The following CDC7 variants were observed in gnomAD, a reference collection of about 807,000 sequenced individuals.
CDC7 encodes the protein cell division cycle 7.
In CDC7, 34 loss-of-function variants were observed where a neutral mutation model predicts 53.5. That is an observed-to-expected ratio of 0.64 (90% CI 0.48 to 0.85). The LOEUF (loss-of-function observed/expected upper bound fraction) is 0.85. Ranked by LOEUF, CDC7 falls within the 40% of genes least tolerant of loss-of-function variation. The probability of loss-of-function intolerance (pLI) is 0.00; values close to 1 mark genes in which losing one functional copy is unlikely to be tolerated. For synonymous variants in CDC7, 211 were observed against 222.8 expected, an observed-to-expected ratio of 0.95 and a Z score of 0.47; for missense variants, 594 against 679.7, an observed-to-expected ratio of 0.87 and a Z score of 1.40.
In CDC7 at chr1:91,524,816, TTTAGAG is replaced by T. The variant is rs1464214865; in HGVS notation, c.*385_*390del. 6 of 162,846 alleles carry T rather than the reference TTTAGAG, an allele frequency of 3.7e-5. No homozygotes were observed. Among genetic ancestry groups the T allele is most frequent in the Admixed American group, 3.7e-4 (6 of 16,324 alleles). The allele number at this position is 162,846 out of a possible 1,614,324, so 10.1% of individuals were successfully genotyped here. ...TCAAAAGACTTAATTTGTAGATTCT[TTTAGAG>T]TTATGAGCTAGGTATAGTTTGGGGA... On this transcript the variant is annotated 3_prime_UTR_variant, in exon 12 of 12. Transcript: ENST00000234626.
chr1:91,508,109 TAAAG>T (rs931573021), intron 3 of CDC7, among the ~76,000 whole-genome samples, 149 bp from the exon 4 acceptor site: 34 of 152,292 alleles, frequency 2.2e-4, no homozygotes, highest in Non-Finnish European at 3.8e-4. Flanking sequence ...TTTTCAACCT[TAAAG>T]AAAGAATAAA....
chr1:91,519,123 G>A (rs1341499453), intron 10 of CDC7, among the ~76,000 whole-genome samples: 1 of 151,462 alleles, frequency 6.6e-6, no homozygotes, highest in Non-Finnish European at 1.5e-5. Flanking sequence ...GGGGATTATA[G>A]TCAGTAATTT....
At chr1:91,503,196 G>T (rs1191099384) in intron 2 of CDC7, among the ~76,000 whole-genome samples, 10 of 152,112 alleles carry the variant, frequency 6.6e-5, no homozygotes, top group African/African-American at 2.4e-4. Context: ...AGTAATGAAT[G>T]GGGTGAATTT....
In CDC7 at chr1:91,515,748, A is replaced by G. The variant is rs532508402; in HGVS notation, c.1098-46A>G. On this transcript the variant is annotated intron_variant, in intron 9 of 11. Transcript: ENST00000234626. Reference sequence around the variant, plus strand: ...GATGAATGTTATTTTTTAGACTTACATAGTTCAACTTTAACATAACTAGAG... The same window carrying G: ...GATGAATGTTATTTTTTAGACTTACGTAGTTCAACTTTAACATAACTAGAG... The G allele has an allele frequency of 4.0e-5, 65 of 1,607,594 alleles. No individual in the cohort carries two copies. In the South Asian group the frequency reaches 5.3e-4, roughly 13 times the overall value.
intron 9 of CDC7, 76 bp downstream of exon 9, chr1:91,515,073 T>C: frequency 7.7e-7 from 1 of 1,306,418 alleles, no homozygotes; most frequent in Non-Finnish European, 1.1e-6. Context: ...GTGGATAATT[T>C]TGTGAGTGCA....
chr1:91,501,510 A>T, intron 1 of CDC7, 144 bp from the exon 2 acceptor site: 1 of 516,966 alleles, frequency 1.9e-6, no homozygotes, highest in Non-Finnish European at 3.5e-6. Flanking sequence ...GGAATTCCTT[A>T]GACAAGGCCA....
At chr1:91,503,823 G>A (rs924648979) in intron 2 of CDC7, among the ~76,000 whole-genome samples, 2 of 151,908 alleles carry the variant, frequency 1.3e-5, no homozygotes, top group Non-Finnish European at 2.9e-5. Context: ...AAACTAAATT[G>A]GGATCTTGTT....
At chr1:91,508,014 C>A in intron 3 of CDC7, 77 bp downstream of exon 3, 1 of 1,219,004 alleles carries the variant, frequency 8.2e-7, no homozygotes, top group Non-Finnish European at 1.1e-6. Context: ...TCTTGGTTTT[C>A]ATTACTATTT....
intron 4 of CDC7, among the ~76,000 whole-genome samples, chr1:91,508,833 C>T (rs1368110940): frequency 6.6e-6 from 1 of 152,084 alleles, no homozygotes; most frequent in Non-Finnish European, 1.5e-5. Context: ...TAGAATCTTA[C>T]CCTCCTAAAC....
At chr1:91,516,853 TC>T (rs1261668854) in intron 10 of CDC7, among the ~76,000 whole-genome samples, 1 of 152,074 alleles carries the variant, frequency 6.6e-6, no homozygotes, top group Non-Finnish European at 1.5e-5. Flanking sequence ...TCACCTGAGA[TC>T]AGGAGTTTGA....
chr1:91,515,084 A>C, intron 9 of CDC7, 87 bp downstream of exon 9: 1 of 1,154,140 alleles, frequency 8.7e-7, no homozygotes, highest in East Asian at 2.4e-5. Flanking sequence ...TGTGAGTGCA[A>C]GGGATCAGTT....
intron 5 of CDC7, 31 bp from the exon 6 acceptor site, chr1:91,511,750 G>A (rs772989323): frequency 7.2e-7 from 1 of 1,385,336 alleles, no homozygotes; most frequent in East Asian, 3.4e-5. Flanking sequence ...AACAATATTT[G>A]TAACTCATTT....
Position 91,524,318 on chromosome 1 carries a change from T to G in CDC7, c.1608T>G (p.Asn536Lys). 6.2e-7 allele frequency: 1 copy of G among 1,614,038 alleles called. No individual in the cohort carries two copies. The highest frequency in any genetic ancestry group is 8.5e-7 in the Non-Finnish European group (1 of 1,179,954). ...DEYNTNLEGW[N>K]EVPDEAYDLL... Reference sequence around the variant, plus strand: ...ATAATACCAATTTAGAAGGCTGGAATGAGGTACCTGATGAAGCTTATGACC... The same window carrying G: ...ATAATACCAATTTAGAAGGCTGGAAGGAGGTACCTGATGAAGCTTATGACC... Residue 536 changes from asparagine to lysine, a missense_variant, in exon 12 of 12, where the codon AAT (asparagine) becomes AAG (lysine). Coordinates refer to ENST00000234626, the MANE Select transcript of CDC7 (RefSeq NM_003503.4).
In CDC7 at chr1:91,503,252, TG is replaced by T. The variant is rs13447467; in HGVS notation, c.115+1423del. ...TTGTAGCGTTTATGTAACAGAACATTGGACATTATAATATGATAAATTATAA... is the reference window on the plus strand; with the variant it reads ...TTGTAGCGTTTATGTAACAGAACATTGACATTATAATATGATAAATTATAA... On this transcript the variant is annotated intron_variant, in intron 2 of 11. Coordinates refer to ENST00000234626, the MANE Select transcript of CDC7 (RefSeq NM_003503.4). Among the ~76,000 whole-genome samples the T allele has an allele frequency of 3.2e-3, 485 of 152,302 alleles. 4 individuals are homozygous for T. In the East Asian group the frequency reaches 0.055, roughly 17 times the overall value.
At chr1:91,516,426 T>C (rs952551684) in intron 10 of CDC7, among the ~76,000 whole-genome samples, 4 of 152,218 alleles carry the variant, frequency 2.6e-5, no homozygotes, top group Non-Finnish European at 5.9e-5. Context: ...AGGAAACATC[T>C]TGAATGAATA....
intron 6 of CDC7, 83 bp downstream of exon 6, chr1:91,512,006 A>G: frequency 1.0e-6 from 1 of 991,690 alleles, no homozygotes; most frequent in Non-Finnish European, 1.5e-6. Context: ...GGTATTGAAC[A>G]TGATGTTATA....
At chr1:91,515,762 A>T (rs753566094) in intron 9 of CDC7, 32 bp from the exon 10 acceptor site, 1 of 1,609,728 alleles carries the variant, frequency 6.2e-7, no homozygotes, top group Non-Finnish European at 8.5e-7. Context: ...TTCAACTTTA[A>T]CATAACTAGA....
intron 4 of CDC7, among the ~76,000 whole-genome samples, chr1:91,509,861 A>G (rs1229322586): frequency 6.6e-6 from 1 of 152,126 alleles, no homozygotes; most frequent in East Asian, 1.9e-4. Context: ...CCTCAGGGCC[A>G]CTGCCCAGAC....
intron 2 of CDC7, among the ~76,000 whole-genome samples, chr1:91,507,617 T>G (rs537265473): frequency 6.6e-6 from 1 of 152,322 alleles, no homozygotes; most frequent in South Asian, 2.1e-4. Flanking sequence ...AGTATATAAT[T>G]CCAGTATAGT....
Sources: gnomAD v4.1 joint callset for allele counts (sites outside exome capture counted in the v4.1 genomes callset) on GRCh38, gnomAD v4.1.1 for gene constraint, MANE v1.5 for transcripts, NCBI Gene and HGNC (gene_info 2026-07-23, HGNC 2026-07-21) for gene names.